GNAS: variants seen among roughly 807,000 people sequenced by gnomAD.
The protein encoded by GNAS is GNAS complex locus, also known as protein ALEX.
In GNAS, 8 loss-of-function variants were observed where a neutral mutation model predicts 54.5. The ratio of observed to expected loss-of-function variants is 0.15; its 90% CI spans 0.09 to 0.26. GNAS has a LOEUF of 0.26. Ranked by LOEUF, GNAS falls within the 10% of genes least tolerant of loss-of-function variation. The pLI, the probability that GNAS is intolerant of heterozygous loss-of-function variation, is 1.00. For synonymous variants in GNAS, 204 were observed against 191.4 expected (o/e 1.07, Z -0.54); for missense variants, 170 against 529.8 (o/e 0.32, Z 6.67).
intron 1 of GNAS, chr20:58,892,566 G>C (rs1386237763): frequency 6.9e-6 from 1 of 144,430 alleles, no homozygotes; most frequent in East Asian, 2.1e-4. Flanking sequence ...GGAGTCGGGA[G>C]GGGGGCGGCG....
At chr20:58,893,141 C>T (rs1205881731) in intron 1 of GNAS, among the ~76,000 whole-genome samples, 3 of 141,148 alleles carry the variant, frequency 2.1e-5, no homozygotes, top group Middle Eastern at 3.9e-3. Context: ...GAGACTTTTC[C>T]TCCAGGTGGG....
chr20:58,872,553 CCTTCCTCCCTTCCTTCCTTT>C (rs1568948498), intron 1 of GNAS, among the ~76,000 whole-genome samples: 1 of 152,150 alleles, frequency 6.6e-6, no homozygotes. Flanking sequence ...CTTTTTCCTT[CCTTCCTCCCTTCCTTCCTTT>C]CTTCCTCCCA....
rs1425607926 is a variant in GNAS, at chr20:58,853,364, C to T, written c.43+12478C>T. On this transcript the variant is annotated intron_variant, in intron 1 of 12. Coordinates refer to the GNAS transcript ENST00000306090. The surrounding 1 kb of genome is among the most constrained non-coding windows in gnomAD (Gnocchi z 4.4). ...AGCCCGAGCAACCACCTTTGGAGGCCCCAGGGGCAGCTGCCCCCGGTGCTG... is the reference window on the plus strand; with the variant it reads ...AGCCCGAGCAACCACCTTTGGAGGCTCCAGGGGCAGCTGCCCCCGGTGCTG... 1.9e-6 allele frequency: 3 copies of T among 1,553,388 alleles called. No homozygotes were observed.
chr20:58,900,344 C>T (rs2090493367), intron 3 of GNAS: 1 of 258,996 alleles, frequency 3.9e-6, no homozygotes, highest in African/African-American at 2.2e-5. Flanking sequence ...CTCTCTCACT[C>T]TGTTCTGCAA....
rs188851468 is a variant in GNAS, at chr20:58,870,724, C to G, written c.44-24888C>G. Among the ~76,000 whole-genome samples, 52 of 152,246 alleles carry G rather than the reference C, an allele frequency of 3.4e-4. No individual in the cohort carries two copies. The East Asian group carries it at 9.1e-3, about 27-fold the overall frequency. Reference sequence around the variant, plus strand: ...GCTTTCTTGGTCAGTCTTCTCCCTGCGCCAGACGCACAAATCCCTCCCTTA... The same window carrying G: ...GCTTTCTTGGTCAGTCTTCTCCCTGGGCCAGACGCACAAATCCCTCCCTTA... On this transcript the variant is annotated intron_variant, in intron 1 of 12. Transcript: ENST00000306090.
Position 58,910,319 on chromosome 20 carries a change from T to C in GNAS, c.971-15T>C, listed in dbSNP as rs1200289159. 5 of 1,582,942 alleles carry C rather than the reference T, an allele frequency of 3.2e-6. No individual in the cohort carries two copies. The South Asian group carries it at 4.4e-5, about 14-fold the overall frequency. ...AATTTTAAATTACATTAATATGTAT[T>C]CCCTTTTTATATAGCTACTCCCGAG... On this transcript the variant is annotated splice_polypyrimidine_tract_variant and intron_variant, in intron 11 of 12. Coordinates refer to ENST00000371085, the MANE Select transcript of GNAS (RefSeq NM_000516.7). The surrounding 1 kb of genome is among the most constrained non-coding windows in gnomAD (Gnocchi z 5.8).
rs190096569 is a variant in GNAS at position 58,909,072 on chromosome 20, C to T, written c.531-90C>T. The T allele has an allele frequency of 9.8e-5, 107 of 1,088,912 alleles. No homozygotes were observed. Among genetic ancestry groups the T allele is most frequent in the Middle Eastern group, 2.3e-4 (1 of 4,432 alleles). The allele number at this position is 1,088,912 out of a possible 1,614,324, so 67.5% of individuals were successfully genotyped here. On this transcript the variant is annotated intron_variant, in intron 6 of 12. Coordinates refer to ENST00000371085, the MANE Select transcript of GNAS (RefSeq NM_000516.7). This position sits in a 1 kb window ranked among gnomAD's most constrained non-coding sequence, Gnocchi z 7.3. ...TGCATAACTGTGGGACGGTCACTTCCGTTGAGCCTGACCTTGTAGAGAGAC... is the reference window on the plus strand; with the variant it reads ...TGCATAACTGTGGGACGGTCACTTCTGTTGAGCCTGACCTTGTAGAGAGAC...
In GNAS at chr20:58,908,381, C is replaced by T. The variant is rs145698260; in HGVS notation, c.531-781C>T. On this transcript the variant is annotated intron_variant, in intron 6 of 12. Coordinates refer to ENST00000371085, the MANE Select transcript of GNAS (RefSeq NM_000516.7). ...GTTCTATTTCATGGACCAAACAGAA[C>T]GGAAGAGAACTTTGTGTTTGTTTCC... Among the ~76,000 whole-genome samples, 519 of 152,160 alleles carry T rather than the reference C, an allele frequency of 3.4e-3. 1 individual carries two copies. Among genetic ancestry groups the T allele is most frequent in the Middle Eastern group, 6.8e-3 (2 of 294 alleles).
At chr20:58,849,554 A>G (rs945001614) in intron 1 of GNAS, among the ~76,000 whole-genome samples, 1 of 152,194 alleles carries the variant, frequency 6.6e-6, no homozygotes, top group African/African-American at 2.4e-5. Context: ...TCTCCATCCC[A>G]ACTGCCCAAA....
At chr20:58,895,813 T>C (rs1016697694) in intron 2 of GNAS, 129 bp downstream of exon 2, 3 of 702,024 alleles carry the variant, frequency 4.3e-6, no homozygotes, top group Non-Finnish European at 7.8e-6. Flanking sequence ...GATTTACATA[T>C]TAGAAAATCC....
At chr20:58,899,096 A>T (rs1601068567) in intron 3 of GNAS, 111 bp downstream of exon 3, 1 of 860,772 alleles carries the variant, frequency 1.2e-6, no homozygotes, top group Admixed American at 1.8e-5. Context: ...CATTTAAAGG[A>T]CCATCAGCCA....
chr20:58,897,977 T>C (rs1476914874), intron 2 of GNAS: 1 of 152,244 alleles, frequency 6.6e-6, no homozygotes, highest in African/African-American at 2.4e-5. Flanking sequence ...AGCTATTAAA[T>C]TTGCCTTAAC....
chr20:58,905,986 G>C (rs1255212303), intron 6 of GNAS, among the ~76,000 whole-genome samples: 2 of 152,074 alleles, frequency 1.3e-5, no homozygotes, highest in Non-Finnish European at 2.9e-5. Context: ...AGATCCTAGT[G>C]ACTCTAGGTA....
chr20:58,886,763 C>T (rs1321031597), upstream of GNAS, among the ~76,000 whole-genome samples: 2 of 152,176 alleles, frequency 1.3e-5, no homozygotes, highest in Admixed American at 1.3e-4. Flanking sequence ...AACAGACAGC[C>T]TAGCTGACCA....
upstream of GNAS, among the ~76,000 whole-genome samples, chr20:58,888,205 C>T (rs902012228): frequency 2.6e-5 from 4 of 152,166 alleles, no homozygotes; most frequent in African/African-American, 9.7e-5. Context: ...CATATCTGGG[C>T]TTTCCGGGAC....
At chr20:58,850,583 G>A in intron 1 of GNAS, 1 of 398,916 alleles carries the variant, frequency 2.5e-6, no homozygotes, top group Non-Finnish European at 4.4e-6. Flanking sequence ...TATCCATCCT[G>A]GGCTGCTCCT....
intron 3 of GNAS, among the ~76,000 whole-genome samples, chr20:58,902,356 G>C (rs1239540868): frequency 6.6e-6 from 1 of 152,118 alleles, no homozygotes; most frequent in African/African-American, 2.4e-5. Flanking sequence ...TCTAATGAAG[G>C]CTAGTTTCTG....
chr20:58,877,762 C>T (rs1162233997), intron 1 of GNAS, among the ~76,000 whole-genome samples: 1 of 152,244 alleles, frequency 6.6e-6, no homozygotes, highest in Non-Finnish European at 1.5e-5. Context: ...CACCTCCCGG[C>T]CTTGCCGGTA....
rs1393430063 is a variant in GNAS at position 58,910,742 on chromosome 20, T to C, written c.1098T>C (p.Ala366=). Residue 366 remains alanine (A), a synonymous_variant, in exon 13 of 13, where the codon GCT becomes GCC. Transcript: ENST00000371085. This position sits in a 1 kb window ranked among gnomAD's most constrained non-coding sequence, Gnocchi z 5.8. The part of the protein sequence containing the change: ...RHYCYPHFTC[A]VDTENIRRVF... ...ACTGCTACCCTCATTTCACCTGCGC[T>C]GTGGACACTGAGAACATCCGCCGTG... 6 of 1,614,076 alleles carry C rather than the reference T, an allele frequency of 3.7e-6. No individual in the cohort carries two copies. The highest frequency in any genetic ancestry group is 2.2e-5 in the East Asian group (1 of 44,884).
Sources: gnomAD v4.1 joint callset for allele counts (sites outside exome capture counted in the v4.1 genomes callset) on GRCh38, gnomAD v4.1.1 for gene constraint, Gnocchi (gnomAD v3.1) non-coding constraint, MANE v1.5 for transcripts, NCBI Gene and HGNC (gene_info 2026-07-23, HGNC 2026-07-21) for gene names.